The following GALNT14 variants were observed in gnomAD, a reference collection of about 807,000 sequenced individuals.
GALNT14 encodes UDP-GalNAc:polypeptide N-acetylgalactosaminyltransferase 14.
In GALNT14, 60 loss-of-function variants were observed where a neutral mutation model predicts 77.5. The ratio of observed to expected loss-of-function variants is 0.77; its 90% CI spans 0.63 to 0.96. The LOEUF (loss-of-function observed/expected upper bound fraction) is 0.96. GALNT14 is among the 40% of genes least tolerant of loss of function. The pLI is 0.00. For synonymous variants in GALNT14, 280 were observed against 281.7 expected (o/e 0.99, Z 0.06); for missense variants, 710 against 731.0 (o/e 0.97, Z 0.33).
At chr2:31,136,425 T>A (rs1679231420) in intron 1 of GALNT14, among the ~76,000 whole-genome samples, 2 of 152,192 alleles carry the variant, frequency 1.3e-5, no homozygotes, top group Admixed American at 1.3e-4. Flanking sequence ...TCAGCTCTGT[T>A]ATGTCCTCCT....
At chr2:31,117,688 A>G (rs1678179576) in intron 1 of GALNT14, among the ~76,000 whole-genome samples, 1 of 152,228 alleles carries the variant, frequency 6.6e-6, no homozygotes, top group Non-Finnish European at 1.5e-5. Context: ...TACTAACAAA[A>G]TGGATACTAC....
At chr2:30,992,116 A>G (rs1669738943) in intron 2 of GALNT14, among the ~76,000 whole-genome samples, 1 of 152,182 alleles carries the variant, frequency 6.6e-6, no homozygotes, top group African/African-American at 2.4e-5. Flanking sequence ...TGAGATTGAG[A>G]CTGACCTGCT....
At chr2:31,077,832 G>A (rs553665538) in intron 1 of GALNT14, among the ~76,000 whole-genome samples, 22 of 152,328 alleles carry the variant, frequency 1.4e-4, no homozygotes, top group Admixed American at 9.8e-4. Context: ...TCCATTGCGT[G>A]TGCATAGCTT....
At chr2:30,911,764 T>A (rs999900848) in intron 14 of GALNT14, among the ~76,000 whole-genome samples, 1 of 152,198 alleles carries the variant, frequency 6.6e-6, no homozygotes, top group African/African-American at 2.4e-5. Context: ...CAATACCCAG[T>A]TGGCAAGAAA....
chr2:31,038,084 ATTTTTTTTTTTTT>A (rs1196402402), intron 1 of GALNT14, among the ~76,000 whole-genome samples: 73 of 52,574 alleles, frequency 1.4e-3, no homozygotes, highest in East Asian at 4.0e-3. Context: ...ATATATATAT[ATTTTTTTTTTTTT>A]TTTTTTTTTT....
At chr2:30,938,308 T>TACAC (rs10623006) in intron 9 of GALNT14, among the ~76,000 whole-genome samples, 26,426 of 142,626 alleles carry the variant, frequency 0.19, 2,481 homozygotes, top group East Asian at 0.32. Flanking sequence ...ACATACACCC[T>TACAC]ACACACACAC....
At chr2:31,088,725 T>C (rs992110403) in intron 1 of GALNT14, among the ~76,000 whole-genome samples, 1 of 152,164 alleles carries the variant, frequency 6.6e-6, no homozygotes, top group Non-Finnish European at 1.5e-5. Flanking sequence ...GGGTTATGTT[T>C]AGGATGGGTG....
At chr2:30,911,446 G>T (rs1558395128) in intron 14 of GALNT14, among the ~76,000 whole-genome samples, 1 of 152,094 alleles carries the variant, frequency 6.6e-6, no homozygotes, top group African/African-American at 2.4e-5. Context: ...GGCAGGAGGG[G>T]CTGGGGGCTT....
chr2:30,924,665 G>A (rs1248829778), intron 12 of GALNT14, 75 bp downstream of exon 12: 2 of 1,270,278 alleles, frequency 1.6e-6, no homozygotes, highest in Admixed American at 1.8e-5. Flanking sequence ...GTCATTGTCT[G>A]TCTCTTCTCC....
At chr2:31,022,515 C>T (rs1671782909) in intron 1 of GALNT14, among the ~76,000 whole-genome samples, 1 of 152,182 alleles carries the variant, frequency 6.6e-6, no homozygotes, top group African/African-American at 2.4e-5. Flanking sequence ...GAATCCCATC[C>T]CACACAGGGC....
intron 10 of GALNT14, among the ~76,000 whole-genome samples, chr2:30,931,535 C>T (rs1205547092): frequency 6.6e-6 from 1 of 152,124 alleles, no homozygotes; most frequent in Non-Finnish European, 1.5e-5. Flanking sequence ...AGGAGGAGAG[C>T]ACACCAGCAG....
intron 13 of GALNT14, among the ~76,000 whole-genome samples, chr2:30,921,779 C>CAT (rs1665045828): frequency 6.6e-6 from 1 of 152,080 alleles, no homozygotes; most frequent in African/African-American, 2.4e-5. Context: ...CCTCAGGGGG[C>CAT]ATTTGGTCAT....
At chr2:30,947,999 C>G (rs944833314) in intron 6 of GALNT14, among the ~76,000 whole-genome samples, 12 of 152,204 alleles carry the variant, frequency 7.9e-5, no homozygotes, top group African/African-American at 2.9e-4. Context: ...TCCTCTGGGG[C>G]TCTTGGGCCA....
intron 1 of GALNT14, among the ~76,000 whole-genome samples, chr2:31,093,842 C>T (rs77873183): frequency 2.0e-3 from 308 of 152,330 alleles, no homozygotes; most frequent in African/African-American, 5.9e-3. Flanking sequence ...ACAGTGGAGC[C>T]GTCAGGCTCT....
At chr2:30,977,396 CTCTG>C (rs1210003079) in intron 2 of GALNT14, among the ~76,000 whole-genome samples, 2 of 152,162 alleles carry the variant, frequency 1.3e-5, no homozygotes, top group East Asian at 1.9e-4. Flanking sequence ...CAGCCCTTCT[CTCTG>C]TCTTTTATCT....
intron 1 of GALNT14, among the ~76,000 whole-genome samples, chr2:31,067,881 C>T (rs184658828): frequency 6.6e-6 from 1 of 152,270 alleles, no homozygotes; most frequent in East Asian, 1.9e-4. Flanking sequence ...GCATGCACAC[C>T]GTTACTCCTC....
intron 6 of GALNT14, among the ~76,000 whole-genome samples, chr2:30,953,377 C>T (rs1357883997): frequency 1.4e-5 from 2 of 147,170 alleles, no homozygotes; most frequent in Non-Finnish European, 3.0e-5. Flanking sequence ...GGCACAATCT[C>T]GATTCACTGC....
chr2:30,988,833 T>G (rs1359643228), intron 2 of GALNT14, among the ~76,000 whole-genome samples: 1 of 152,164 alleles, frequency 6.6e-6, no homozygotes, highest in African/African-American at 2.4e-5. Flanking sequence ...CCTAAGAGTT[T>G]GTGTTTCTAA....
In GALNT14 at chr2:30,970,333, T is replaced by G. The variant is rs142545954; in HGVS notation, c.300-4031A>C. Among the ~76,000 whole-genome samples the G allele has an allele frequency of 2.3e-3, 344 of 152,324 alleles. 1 individual carries two copies. The highest frequency in any genetic ancestry group is 0.02 in the Middle Eastern group (6 of 294). On this transcript the variant is annotated intron_variant, in intron 2 of 14. Transcript: ENST00000349752. Reference sequence around the variant, plus strand: ...CTGGACATGTCGAGAACCAGCTGTGTGCCCTTGGACACATCATTTACCCTC... The same window carrying G: ...CTGGACATGTCGAGAACCAGCTGTGGGCCCTTGGACACATCATTTACCCTC...
Sources: allele counts gnomAD v4.1 joint callset (sites outside exome capture counted in the v4.1 genomes callset), GRCh38; gene constraint gnomAD v4.1.1; transcripts MANE v1.5; gene names NCBI Gene and HGNC (gene_info 2026-07-23, HGNC 2026-07-21).